POF1B: variants seen among roughly 807,000 people sequenced by gnomAD.
POF1B encodes the protein protein POF1B.
Under a neutral mutation model 55.3 loss-of-function variants are expected in POF1B, and 53 were observed. The observed-to-expected ratio is 0.96, with a 90% CI of 0.77 to 1.20. The LOEUF (loss-of-function observed/expected upper bound fraction) is 1.20. Ranked by LOEUF, POF1B falls within the 50% of genes most tolerant of loss-of-function variation. The pLI is 0.00. For missense variants in POF1B, 478 were observed against 420.5 expected (o/e 1.14, Z -1.20); for synonymous variants, 188 against 148.3 (o/e 1.27, Z -1.95).
intron 9 of POF1B, among the ~76,000 whole-genome samples, chrX:85,308,741 G>GCA (rs1932632720): frequency 9.0e-6 from 1 of 111,281 alleles, no homozygotes; most frequent in Admixed American, 9.6e-5. Flanking sequence ...GTAGTGGCAT[G>GCA]ATCTCAGTTC....
At chrX:85,348,037 G>T (rs1933304559) in intron 5 of POF1B, among the ~76,000 whole-genome samples, 1 of 110,904 alleles carries the variant, frequency 9.0e-6, no homozygotes, top group South Asian at 3.7e-4. Context: ...GAAACTCTTG[G>T]AAAGCACACA....
chrX:85,304,318 C>G, intron 14 of POF1B, 25 bp downstream of exon 14: 1 of 1,143,993 alleles, frequency 8.7e-7, no homozygotes, highest in Non-Finnish European at 1.2e-6. Context: ...TTACTTTTCT[C>G]CATCCCCACC....
At position 85,354,657 on chromosome X, in the gene POF1B, G is replaced by C. The variant is rs780899861; in HGVS notation, c.439-3206C>G. 1.5e-4 allele frequency among the ~76,000 whole-genome samples: 16 copies of C among 108,819 alleles called. No individual in the cohort carries two copies. The East Asian group carries it at 4.7e-3, about 32-fold the overall frequency. The allele number at this position is 108,819 out of a possible 115,157, so 94.5% of individuals were successfully genotyped here. A position where few individuals can be genotyped will look rare whatever the true frequency, so the allele number is the denominator to read the frequency against. ...CAAAAATCACAAGCATTCTTATACA[G>C]CAATAACAGACAAACAGAGAGCCAA... is the stretch of plus-strand genomic sequence containing the variant. On this transcript the variant is annotated intron_variant, in intron 4 of 16. Coordinates refer to ENST00000262753, the MANE Select transcript of POF1B (RefSeq NM_024921.4).
intron 6 of POF1B, among the ~76,000 whole-genome samples, chrX:85,338,497 A>G (rs1217353835): frequency 1.8e-5 from 2 of 112,139 alleles, no homozygotes; most frequent in African/African-American, 6.5e-5. Flanking sequence ...TAATGAGTAT[A>G]AGTAACTGAA....
intron 15 of POF1B, among the ~76,000 whole-genome samples, chrX:85,302,027 T>C (rs777235433): frequency 9.0e-6 from 1 of 111,462 alleles, no homozygotes; most frequent in Non-Finnish European, 1.9e-5. Context: ...AATGTAAAAT[T>C]TATGATCTTG....
chrX:85,371,285 A>G (rs1490559047), intron 2 of POF1B, among the ~76,000 whole-genome samples: 1 of 112,007 alleles, frequency 8.9e-6, no homozygotes, highest in Non-Finnish European at 1.9e-5. Context: ...TTATTTTTCC[A>G]TACAAACAAA....
At chrX:85,302,237 G>T (rs1262121613) in intron 15 of POF1B, among the ~76,000 whole-genome samples, 3 of 111,097 alleles carry the variant, frequency 2.7e-5, no homozygotes, top group Non-Finnish European at 5.7e-5. Flanking sequence ...AAAATCTCTT[G>T]CAATTCAACT....
intron 4 of POF1B, among the ~76,000 whole-genome samples, chrX:85,352,803 C>A (rs931125575): frequency 7.2e-5 from 8 of 110,848 alleles, no homozygotes; most frequent in Non-Finnish European, 1.3e-4. Context: ...TATTTTATTA[C>A]CAGGAGCATT....
rs765431616 is a variant in POF1B at position 85,352,418 on chromosome X, A to G, written c.439-967T>C. Among the ~76,000 whole-genome samples, 19 of 111,668 alleles carry G rather than the reference A, an allele frequency of 1.7e-4. 1 individual carries two copies. Among genetic ancestry groups the G allele is most frequent in the Non-Finnish European group, 3.4e-4 (18 of 52,794 alleles). On this transcript the variant is annotated intron_variant, in intron 4 of 16. Coordinates refer to ENST00000262753, the MANE Select transcript of POF1B (RefSeq NM_024921.4). ...CAACAAAATGTACTAGGATTTTTGT[A>G]GTCTGCTATTATAAATACCCATAGA...
At chrX:85,324,444 AGCCCTTTACCATTATGTAAT>A (rs1932874740) in intron 7 of POF1B, among the ~76,000 whole-genome samples, 1 of 109,951 alleles carries the variant, frequency 9.1e-6, no homozygotes, top group Non-Finnish European at 1.9e-5. Flanking sequence ...TCTTGAATTG[AGCCCTTTACCATTATGTAAT>A]GCCCTTTGTC....
intron 15 of POF1B, among the ~76,000 whole-genome samples, chrX:85,299,295 T>C (rs939190633): frequency 3.1e-5 from 3 of 97,281 alleles, no homozygotes; most frequent in Non-Finnish European, 4.2e-5. Flanking sequence ...GTTTTCTTTT[T>C]TTTTTTTTTT....
rs746413623 is a variant in POF1B at position 85,328,245 on chromosome X, C to A, written c.854+2704G>T. 4.6e-5 allele frequency among the ~76,000 whole-genome samples: 5 copies of A among 107,640 alleles called. No homozygotes were observed. The South Asian group carries it at 2.1e-3, about 44-fold the overall frequency. The allele number at this position is 107,640 out of a possible 115,157, so 93.5% of individuals were successfully genotyped here. ...TTTGAGATGGAGTCTGGCTCTGTCGCCCAGACTGGAGTGCAGTGGCGCGAT... is the reference window on the plus strand; with the variant it reads ...TTTGAGATGGAGTCTGGCTCTGTCGACCAGACTGGAGTGCAGTGGCGCGAT... On this transcript the variant is annotated intron_variant, in intron 7 of 16. Transcript: ENST00000262753.
At chrX:85,361,079 C>T (rs940024976) in intron 3 of POF1B, among the ~76,000 whole-genome samples, 50 of 110,852 alleles carry the variant, frequency 4.5e-4, no homozygotes, top group Non-Finnish European at 1.7e-4. Flanking sequence ...GGGTTGTTTG[C>T]TTTTCTCTTG....
rs751691372 is a variant in POF1B, at chrX:85,356,325, G to A, written c.438+3225C>T. Among the ~76,000 whole-genome samples, 3 of 107,254 alleles carry A rather than the reference G, an allele frequency of 2.8e-5. No individual in the cohort carries two copies. The South Asian group carries it at 1.3e-3, about 45-fold the overall frequency. 93.1% of individuals were successfully genotyped at this position (107,254 alleles called of 115,157 possible). ...GGCCTGTTGTGGGGTGGAGGGAGGG[G>A]GGGATAGCATTAGGAGATATACCTA... is the stretch of plus-strand genomic sequence containing the variant. On this transcript the variant is annotated intron_variant, in intron 4 of 16. Coordinates refer to ENST00000262753, the MANE Select transcript of POF1B (RefSeq NM_024921.4).
intron 6 of POF1B, among the ~76,000 whole-genome samples, chrX:85,335,367 G>A (rs1933052039): frequency 9.0e-6 from 1 of 111,236 alleles, no homozygotes; most frequent in African/African-American, 3.3e-5. Context: ...AGGATGTGGT[G>A]ACAGTTTTGG....
chrX:85,323,288 T>C (rs12010585), intron 7 of POF1B, among the ~76,000 whole-genome samples: 23,498 of 109,880 alleles, frequency 0.21, 2,501 homozygotes, highest in African/African-American at 0.4. Context: ...AGTTCATGTC[T>C]TTTGTAGGGA....
intron 7 of POF1B, among the ~76,000 whole-genome samples, chrX:85,329,333 G>A (rs1356664884): frequency 9.0e-6 from 1 of 111,541 alleles, no homozygotes; most frequent in Non-Finnish European, 1.9e-5. Flanking sequence ...TTGTGTAATG[G>A]GTAATGGAGA....
At chrX:85,280,113 A>G (rs1480246645) in intron 16 of POF1B, among the ~76,000 whole-genome samples, 4 of 111,463 alleles carry the variant, frequency 3.6e-5, no homozygotes, top group Non-Finnish European at 7.6e-5. Context: ...ATTGATGATA[A>G]CAACCATACT....
At position 85,330,749 on chromosome X, in the gene POF1B, A is replaced by T. The variant is rs182333852; in HGVS notation, c.854+200T>A. Reference sequence around the variant, plus strand: ...GAGTTAATGGGTGCAGCACACCAACATGGCGCATGTATACATATGTAACAA... The same window carrying T: ...GAGTTAATGGGTGCAGCACACCAACTTGGCGCATGTATACATATGTAACAA... On this transcript the variant is annotated intron_variant, in intron 7 of 16. Transcript: ENST00000262753. Among the ~76,000 whole-genome samples, 320 of 111,672 alleles carry T rather than the reference A, an allele frequency of 2.9e-3. 4 individuals are homozygous for T. Among genetic ancestry groups the T allele is most frequent in the African/African-American group, 9.3e-3 (285 of 30,753 alleles).
Sources: gnomAD v4.1 joint callset for allele counts (sites outside exome capture counted in the v4.1 genomes callset) on GRCh38, gnomAD v4.1.1 for gene constraint, MANE v1.5 for transcripts, NCBI Gene and HGNC (gene_info 2026-07-23, HGNC 2026-07-21) for gene names.